PAAF1: variants seen among roughly 807,000 people sequenced by gnomAD.
The protein encoded by PAAF1 is proteasomal ATPase associated factor 1, also known as proteasomal ATPase-associated factor 1.
In PAAF1, 46 loss-of-function variants were observed where a neutral mutation model predicts 52.8. The observed-to-expected ratio is 0.87, with a 90% confidence interval of 0.69 to 1.11. The LOEUF is 1.11. Ranked by LOEUF, PAAF1 falls within the 50% of genes most tolerant of loss-of-function variation. PAAF1 has a pLI of 0.00. For missense variants in PAAF1, 424 were observed against 477.4 expected (o/e 0.89, Z 1.04); for synonymous variants, 178 against 172.8 (o/e 1.03, Z -0.24).
At chr11:73,908,444 G>T (rs2135197705) in intron 6 of PAAF1, among the ~76,000 whole-genome samples, 1 of 149,982 alleles carries the variant, frequency 6.7e-6, no homozygotes, top group Non-Finnish European at 1.5e-5. Flanking sequence ...TTGCTCCACT[G>T]CCCAGGCTGG....
rs1045404319 is a variant in PAAF1, at chr11:73,878,268, T to C, written c.48-511T>C. 3.3e-5 allele frequency among the ~76,000 whole-genome samples: 5 copies of C among 152,326 alleles called. No individual in the cohort carries two copies. The South Asian group carries it at 8.3e-4, about 25-fold the overall frequency. On this transcript the variant is annotated intron_variant, in intron 1 of 11. Transcript: ENST00000310571. ...AGAAGGCTTAATTTGCCCAAGATCA[T>C]GCATCTCGTCAAATGATAGAGGGTT...
At chr11:73,892,019 GT>G (rs1320430927) in intron 4 of PAAF1, among the ~76,000 whole-genome samples, 1 of 152,008 alleles carries the variant, frequency 6.6e-6, no homozygotes, top group African/African-American at 2.4e-5. Flanking sequence ...TGTGTGGTAC[GT>G]TTTTTAAAAG....
At position 73,900,239 on chromosome 11, in the gene PAAF1, A is replaced by G. The variant is rs748693157; in HGVS notation, c.382-31A>G. 1.3e-5 allele frequency: 20 copies of G among 1,568,866 alleles called. No homozygotes were observed. The Admixed American group carries it at 3.5e-4, about 27-fold the overall frequency. On this transcript the variant is annotated intron_variant, in intron 5 of 11. Transcript: ENST00000310571. ...AGAACATCAAGGGATGGACAAGAGA[A>G]CTAGCATGGAATTTTCTTTTGTTTT...
At chr11:73,878,723 A>G in intron 1 of PAAF1, 56 bp from the exon 2 acceptor site, 4 of 1,523,608 alleles carry the variant, frequency 2.6e-6, no homozygotes, top group Non-Finnish European at 2.7e-6. Context: ...CCTTGTAACT[A>G]TGGGATCCTA....
Position 73,929,726 on chromosome 11 carries a change from G to C in PAAF1, c.*2364G>C, listed in dbSNP as rs1041617443. ...CAGAACTTAGAAACATTAAATCCTA[G>C]GAGCTCCAGGTGGAACATCTAAGAA... On this transcript the variant is annotated 3_prime_UTR_variant, in exon 12 of 12. Coordinates refer to ENST00000310571, the MANE Select transcript of PAAF1 (RefSeq NM_025155.3). 6.6e-6 allele frequency: 1 copy of C among 152,218 alleles called. No individual in the cohort carries two copies. The highest frequency in any genetic ancestry group is 2.4e-5 in the African/African-American group (1 of 41,452). The allele number at this position is 152,218 out of a possible 1,614,324, so 9.4% of individuals were successfully genotyped here.
chr11:73,909,551 G>T lies in PAAF1; in HGVS notation c.685G>T (p.Ala229Ser), dbSNP rs1300714719. 3 of 1,614,016 alleles carry T rather than the reference G, an allele frequency of 1.9e-6. No homozygotes were observed. The highest frequency in any genetic ancestry group is 2.5e-6 in the Non-Finnish European group (3 of 1,180,036). ...TATCAATGGAGTGGCGGTGGGTGCT[G>T]CTGACAACTCCATAAACCTTGGCTC... Reference protein sequence around the residue: ...SSINGVAVGAADNSINLGSPE... With the variant: ...SSINGVAVGASDNSINLGSPE... The change falls in exon 7 of 12, where the codon GCT becomes TCT. Residue 229 changes from alanine (A) to serine (S), a missense_variant. Physicochemically the swap from Ala to Ser is moderately conservative, Grantham distance 99 (BLOSUM62 1). Coordinates refer to ENST00000310571, the MANE Select transcript of PAAF1 (RefSeq NM_025155.3).
chr11:73,924,534 A>G (rs1950303199), intron 10 of PAAF1, 81 bp from the exon 11 acceptor site: 1 of 1,179,020 alleles, frequency 8.5e-7, no homozygotes, highest in Non-Finnish European at 1.3e-6. Context: ...AGTGATCTAC[A>G]GAAGCAAATA....
chr11:73,884,726 C>T (rs1009166291), intron 2 of PAAF1, among the ~76,000 whole-genome samples: 1 of 152,214 alleles, frequency 6.6e-6, no homozygotes, highest in Non-Finnish European at 1.5e-5. Context: ...TAGGTCTTCT[C>T]TAGGCCAAAC....
intron 7 of PAAF1, among the ~76,000 whole-genome samples, chr11:73,911,573 C>T (rs1949930086): frequency 6.6e-6 from 1 of 151,654 alleles, no homozygotes; most frequent in South Asian, 2.1e-4. Flanking sequence ...ATGGTTTGTG[C>T]CCAAGTACTT....
At chr11:73,900,126 A>G in intron 5 of PAAF1, 144 bp from the exon 6 acceptor site, 2 of 797,390 alleles carry the variant, frequency 2.5e-6, no homozygotes, top group East Asian at 2.6e-5. Context: ...GAGCTAAGAG[A>G]TCCTTTGGAT....
intron 2 of PAAF1, chr11:73,880,686 C>T (rs1247485196): frequency 1.8e-3 from 70 of 38,064 alleles, no homozygotes; most frequent in African/African-American, 8.5e-3. Context: ...GACTCTGTCT[C>T]GAAAAAAAAA....
chr11:73,887,605 A>G, intron 3 of PAAF1, 148 bp downstream of exon 3: 1 of 505,032 alleles, frequency 2.0e-6, no homozygotes, highest in Non-Finnish European at 3.4e-6. Context: ...TGTCATTGGT[A>G]TTTTCTATTG....
chr11:73,880,965 A>C (rs905147197), intron 2 of PAAF1, among the ~76,000 whole-genome samples: 2 of 152,094 alleles, frequency 1.3e-5, no homozygotes, highest in Non-Finnish European at 2.9e-5. Flanking sequence ...GTGCCATTGC[A>C]CTCCAGCCTG....
intron 6 of PAAF1, among the ~76,000 whole-genome samples, chr11:73,903,280 G>A (rs181064496): frequency 3.3e-5 from 5 of 152,188 alleles, no homozygotes; most frequent in Middle Eastern, 3.2e-3. Flanking sequence ...TTCTTCCACA[G>A]CGTGGCAAAA....
At chr11:73,904,119 G>C (rs544976369) in intron 6 of PAAF1, among the ~76,000 whole-genome samples, 1 of 151,634 alleles carries the variant, frequency 6.6e-6, no homozygotes, top group African/African-American at 2.4e-5. Context: ...ACATAAATTG[G>C]TCCCCCAATT....
At chr11:73,895,140 A>G (rs1035213001) in intron 4 of PAAF1, among the ~76,000 whole-genome samples, 1 of 152,218 alleles carries the variant, frequency 6.6e-6, no homozygotes, top group Non-Finnish European at 1.5e-5. Flanking sequence ...TAGATCTTAC[A>G]TGCTAGAGAT....
In PAAF1 at chr11:73,907,625, G is replaced by A. The variant is rs569739511; in HGVS notation, c.533-1774G>A. Among the ~76,000 whole-genome samples, 303 of 152,298 alleles carry A rather than the reference G, an allele frequency of 2.0e-3. 1 individual carries two copies. The highest frequency in any genetic ancestry group is 6.9e-3 in the African/African-American group (287 of 41,556). On this transcript the variant is annotated intron_variant, in intron 6 of 11. Transcript: ENST00000310571. ...AACTGAGCTCACTGCTAGATCCTGT[G>A]ACAGTACCCTACTTAACCTGGTCAA... is the stretch of plus-strand genomic sequence containing the variant.
At chr11:73,890,284 C>T (rs777339475) in intron 3 of PAAF1, among the ~76,000 whole-genome samples, 1 of 152,126 alleles carries the variant, frequency 6.6e-6, no homozygotes, top group East Asian at 1.9e-4. Flanking sequence ...TACCTCTACA[C>T]GTGCTACCTT....
intron 8 of PAAF1, 32 bp downstream of exon 8, chr11:73,914,536 GAGGC>G: frequency 6.3e-7 from 1 of 1,577,362 alleles, no homozygotes; most frequent in East Asian, 2.2e-5. Flanking sequence ...TTTGAACTCT[GAGGC>G]AACCTGGGTC....
Sources: allele counts gnomAD v4.1 joint callset (sites outside exome capture counted in the v4.1 genomes callset), GRCh38; gene constraint gnomAD v4.1.1; transcripts MANE v1.5; gene names NCBI Gene and HGNC (gene_info 2026-07-23, HGNC 2026-07-21).